The following BRAT1 variants were observed in gnomAD, a reference collection of about 807,000 sequenced individuals.
BRAT1 encodes the protein integrator complex assembly factor BRAT1.
Under a neutral mutation model 70.6 loss-of-function variants are expected in BRAT1, and 74 were observed. The observed-to-expected ratio is 1.05, with a 90% CI of 0.87 to 1.27. The LOEUF is 1.27. Among genes scored for constraint, BRAT1 ranks in the 50% most tolerant of loss-of-function variants. The probability of loss-of-function intolerance (pLI) is 0.00; values close to 1 mark genes in which losing one functional copy is unlikely to be tolerated. For synonymous variants in BRAT1, 615 were observed against 517.1 expected, an observed-to-expected ratio of 1.19 and a Z score of -2.57; for missense variants, 1,203 against 1,098.2, an observed-to-expected ratio of 1.10 and a Z score of -1.35.
chr7:2,548,945 CAG>C, intron 2 of BRAT1, among the ~76,000 whole-genome samples: 1 of 152,114 alleles, frequency 6.6e-6, no homozygotes, highest in East Asian at 1.9e-4. Flanking sequence ...AGCCTGGTGA[CAG>C]GGCAAGACTC....
intron 12 of BRAT1, 38 bp from the exon 13 acceptor site, chr7:2,539,389 G>A: frequency 1.3e-6 from 2 of 1,576,252 alleles, no homozygotes; most frequent in African/African-American, 1.3e-5. Context: ...TGTGACTGAG[G>A]GCCGAGCCTT....
chr7:2,540,579 C>T (rs1358749401), intron 10 of BRAT1: 1 of 185,468 alleles, frequency 5.4e-6, no homozygotes, highest in Non-Finnish European at 1.1e-5. Flanking sequence ...TGCTCAGCGG[C>T]AGGTGGCACA....
intron 1 of BRAT1, 114 bp downstream of exon 1, chr7:2,555,373 C>A (rs1780348660): frequency 6.6e-6 from 1 of 152,224 alleles, no homozygotes. Flanking sequence ...GAGCCCAGGT[C>A]GCGCACGCCC....
Position 2,538,645 on chromosome 7 carries a change from G to A in BRAT1, c.1890C>T (p.Asp630=), listed in dbSNP as rs1778884450. 1.3e-6 allele frequency: 2 copies of A among 1,598,444 alleles called. No homozygotes were observed. Among genetic ancestry groups the A allele is most frequent in the South Asian group, 2.2e-5 (2 of 91,068 alleles). The change falls in exon 14 of 14, where the codon GAC becomes GAT. Residue 630 remains aspartate (D), a synonymous_variant. Coordinates refer to ENST00000340611, the MANE Select transcript of BRAT1 (RefSeq NM_152743.4). ...GCACAGTGGCCACGAACTGCTCCGT[G>A]TCCTGGGCCGCGTCGGCGTGGCCGT... The part of the protein sequence containing the change: ...LRDGHADAAQ[D]TEQFVATVLQ...
At position 2,543,688 on chromosome 7, in the gene BRAT1, G is replaced by A; in HGVS notation, c.705C>T (p.Ala235=). 1 of 1,569,676 alleles carries A rather than the reference G, an allele frequency of 6.4e-7. No homozygotes were observed. Among genetic ancestry groups the A allele is most frequent in the Non-Finnish European group, 8.7e-7 (1 of 1,151,962 alleles). ...CGCGGGGACTCAGCCGCACCCACAGGGCTTCCGTCCAGGGGCTCTGGCAGC... is the reference window on the plus strand; with the variant it reads ...CGCGGGGACTCAGCCGCACCCACAGAGCTTCCGTCCAGGGGCTCTGGCAGC... The part of the protein sequence containing the change: ...FGRCQSPWTE[A]LWVRLSPRVA... The change falls in exon 5 of 14, where the codon GCC becomes GCT. Residue 235 remains alanine, a synonymous_variant. Transcript: ENST00000340611. The surrounding 1 kb of genome is among the most constrained non-coding windows in gnomAD (Gnocchi z 5.5).
At chr7:2,544,862 A>ATC in intron 4 of BRAT1, 47 bp downstream of exon 4, 1 of 1,541,286 alleles carries the variant, frequency 6.5e-7, no homozygotes, top group Non-Finnish European at 8.7e-7. Flanking sequence ...ATTCCCTGGG[A>ATC]TCACACAGGC....
At chr7:2,544,761 C>CT (rs1490826500) in intron 4 of BRAT1, 148 bp downstream of exon 4, 1 of 1,293,202 alleles carries the variant, frequency 7.7e-7, no homozygotes, top group Non-Finnish European at 1.0e-6. Context: ...AACCAGAGAA[C>CT]ACTGGACAGC....
intron 6 of BRAT1, chr7:2,542,908 A>C: frequency 4.6e-6 from 1 of 215,764 alleles, no homozygotes; most frequent in Non-Finnish European, 9.2e-6. Context: ...GACAGGTGGG[A>C]GGGCAGCGGA....
At chr7:2,552,081 A>AATACATATATATATATATATATATATAT (rs1198193898) in intron 2 of BRAT1, among the ~76,000 whole-genome samples, 2 of 23,382 alleles carry the variant, frequency 8.6e-5, no homozygotes, top group African/African-American at 4.3e-4. Context: ...CATAGTCTTA[A>AATACATATATATATATATATATATATAT]ATATATATAT....
intron 2 of BRAT1, among the ~76,000 whole-genome samples, chr7:2,552,639 G>A (rs1562594527): frequency 6.6e-6 from 1 of 151,662 alleles, no homozygotes; most frequent in African/African-American, 2.4e-5. Context: ...GTAAAGAATA[G>A]CAGAAATTAA....
intron 10 of BRAT1, chr7:2,540,107 C>G (rs1459832639): frequency 2.0e-6 from 1 of 497,744 alleles, no homozygotes; most frequent in Non-Finnish European, 3.5e-6. Flanking sequence ...CAGCCTCCAC[C>G]TCCCAGGCTC....
At chr7:2,549,635 C>T (rs530393740) in intron 2 of BRAT1, among the ~76,000 whole-genome samples, 46 of 152,052 alleles carry the variant, frequency 3.0e-4, no homozygotes, top group Non-Finnish European at 5.6e-4. Context: ...ATCTAACAGT[C>T]GCCTCAACAA....
intron 2 of BRAT1, among the ~76,000 whole-genome samples, chr7:2,548,989 A>C (rs951747088): frequency 1.3e-5 from 2 of 151,950 alleles, no homozygotes; most frequent in African/African-American, 4.8e-5. Context: ...AACAAACAAA[A>C]AACAATGCCA....
At chr7:2,550,473 A>AC in intron 2 of BRAT1, among the ~76,000 whole-genome samples, 1 of 142,262 alleles carries the variant, frequency 7.0e-6, no homozygotes, top group East Asian at 2.0e-4. Flanking sequence ...ATCTCAAAAA[A>AC]AAAAAAACAA....
chr7:2,549,435 C>A lies in BRAT1; in HGVS notation c.128-1957G>T, dbSNP rs1779840722. 2.0e-5 allele frequency among the ~76,000 whole-genome samples: 3 copies of A among 152,016 alleles called. No homozygotes were observed. In the South Asian group the frequency reaches 6.2e-4, roughly 31 times the overall value. On this transcript the variant is annotated intron_variant, in intron 2 of 13. Transcript: ENST00000340611. ...AAGGCTGCAGTGAGCCGTGATTACA[C>A]CACTGTCCTGGACAACAGCACAAGA...
intron 2 of BRAT1, among the ~76,000 whole-genome samples, chr7:2,552,896 T>G (rs988074748): frequency 7.3e-6 from 1 of 137,716 alleles, no homozygotes; most frequent in African/African-American, 3.1e-5. Context: ...CACCACCACG[T>G]CTGGCTATTT....
chr7:2,543,228 A>G lies in BRAT1; in HGVS notation c.899T>C (p.Leu300Ser). ...CCAGTGCTCGAGCTTCAGGATCCCC[A>G]AAGCCAGGGGTCCCATGTGGGTGGG... ...LGPTHMGPLA[L>S]GILKLEHCPQ... The change falls in exon 6 of 14, where the codon TTG becomes TCG. Residue 300 changes from leucine (L) to serine (S), a missense_variant. Physicochemically the swap from Leu to Ser is moderately radical, Grantham distance 145. Transcript: ENST00000340611. This position sits in a 1 kb window ranked among gnomAD's most constrained non-coding sequence, Gnocchi z 5.5. The G allele has an allele frequency of 6.2e-7, 1 of 1,608,524 alleles. No homozygotes were observed. Among genetic ancestry groups the G allele is most frequent in the African/African-American group, 1.3e-5 (1 of 74,690 alleles).
chr7:2,547,971 C>A (rs540395896), intron 2 of BRAT1, among the ~76,000 whole-genome samples: 1 of 151,970 alleles, frequency 6.6e-6, no homozygotes, highest in Admixed American at 6.6e-5. Context: ...GTAGTCCCAG[C>A]TAATTGGAAG....
In BRAT1 at chr7:2,550,295, C is replaced by T. The variant is rs545243450; in HGVS notation, c.128-2817G>A. Among the ~76,000 whole-genome samples, 81 of 151,384 alleles carry T rather than the reference C, an allele frequency of 5.4e-4. 1 individual carries two copies. Among genetic ancestry groups the T allele is most frequent in the African/African-American group, 1.5e-3 (61 of 41,282 alleles). On this transcript the variant is annotated intron_variant, in intron 2 of 13. Transcript: ENST00000340611. ...CAGCCTGGGCTACATAGTGAAACCC[C>T]GTCACTACAAAAAATACAAAAACTT...
Sources: allele counts gnomAD v4.1 joint callset (sites outside exome capture counted in the v4.1 genomes callset), GRCh38; gene constraint gnomAD v4.1.1; non-coding constraint Gnocchi (gnomAD v3.1); transcripts MANE v1.5; gene names NCBI Gene and HGNC (gene_info 2026-07-23, HGNC 2026-07-21).